NLGN1: variants seen among roughly 807,000 people sequenced by gnomAD.
NLGN1 encodes neuroligin 1, also known as neuroligin-1.
A neutral mutation model predicts 65.5 loss-of-function variants in NLGN1; 12 were observed. The ratio of observed to expected loss-of-function variants is 0.18; its 90% CI spans 0.12 to 0.30. NLGN1 has a LOEUF of 0.30. Ranked by LOEUF, NLGN1 falls within the 10% of genes least tolerant of loss-of-function variation. The pLI is 1.00. For missense variants in NLGN1, 750 were observed against 1,007.1 expected (o/e 0.74, Z 3.46); for synonymous variants, 350 against 359.5 (o/e 0.97, Z 0.30).
chr3:173,791,888 T>C (rs961413246), intron 3 of NLGN1, among the ~76,000 whole-genome samples: 1 of 152,114 alleles, frequency 6.6e-6, no homozygotes, highest in Admixed American at 6.6e-5. Context: ...AGGAGTTCGA[T>C]AGTCACTCAG....
At chr3:174,096,746 G>T (rs2152569701) in intron 4 of NLGN1, among the ~76,000 whole-genome samples, 1 of 152,086 alleles carries the variant, frequency 6.6e-6, no homozygotes, top group African/African-American at 2.4e-5. Flanking sequence ...AAATCATATT[G>T]AAATATATTA....
intron 2 of NLGN1, among the ~76,000 whole-genome samples, chr3:173,441,479 A>G (rs2148797432): frequency 6.6e-6 from 1 of 152,216 alleles, no homozygotes; most frequent in Middle Eastern, 3.4e-3. Context: ...ACAGTGAGGG[A>G]CCATTGTAGG....
intron 2 of NLGN1, among the ~76,000 whole-genome samples, chr3:173,524,238 T>G (rs1016057581): frequency 4.6e-5 from 7 of 152,084 alleles, no homozygotes; most frequent in African/African-American, 1.4e-4. Context: ...ATATAATTTC[T>G]TTCATTAGCC....
At chr3:173,949,721 A>C (rs1239372474) in intron 4 of NLGN1, among the ~76,000 whole-genome samples, 1 of 152,224 alleles carries the variant, frequency 6.6e-6, no homozygotes, top group Non-Finnish European at 1.5e-5. Context: ...TCGTAATTCT[A>C]AAATGAAAAT....
At chr3:174,032,325 A>AAT (rs1730188193) in intron 4 of NLGN1, among the ~76,000 whole-genome samples, 1 of 152,188 alleles carries the variant, frequency 6.6e-6, no homozygotes, top group African/African-American at 2.4e-5. Context: ...TACATTGAAA[A>AAT]ATACTAGACC....
chr3:174,212,116 C>T (rs977026911), intron 4 of NLGN1, among the ~76,000 whole-genome samples: 4 of 152,320 alleles, frequency 2.6e-5, no homozygotes, highest in African/African-American at 7.2e-5. Flanking sequence ...AGCCCTGCCC[C>T]GCGGGAGGGC....
At chr3:173,594,572 A>G (rs1409142943) in intron 2 of NLGN1, among the ~76,000 whole-genome samples, 1 of 152,128 alleles carries the variant, frequency 6.6e-6, no homozygotes, top group Non-Finnish European at 1.5e-5. Context: ...CTGTGGGTGG[A>G]TCTACCATTC....
chr3:173,734,684 A>T (rs890246280), intron 3 of NLGN1, among the ~76,000 whole-genome samples: 3 of 152,038 alleles, frequency 2.0e-5, no homozygotes, highest in African/African-American at 7.2e-5. Context: ...GATTATGGGC[A>T]TGAGTCACTG....
At chr3:174,027,123 C>T (rs1216720409) in intron 4 of NLGN1, among the ~76,000 whole-genome samples, 2 of 151,188 alleles carry the variant, frequency 1.3e-5, no homozygotes, top group African/African-American at 2.4e-5. Context: ...AGAAATCCAT[C>T]TTCACCAAGC....
intron 4 of NLGN1, among the ~76,000 whole-genome samples, chr3:174,142,214 A>G (rs959764101): frequency 2.0e-5 from 3 of 152,150 alleles, no homozygotes; most frequent in African/African-American, 4.8e-5. Context: ...GAGGGTCTAC[A>G]TTTTGTTTTA....
chr3:173,490,907 G>A (rs973992321), intron 2 of NLGN1, among the ~76,000 whole-genome samples: 1 of 151,478 alleles, frequency 6.6e-6, no homozygotes, highest in African/African-American at 2.4e-5. Flanking sequence ...TCTGTTATTG[G>A]TGTATAAGAA....
intron 4 of NLGN1, among the ~76,000 whole-genome samples, chr3:173,951,882 C>G (rs534504599): frequency 2.6e-5 from 4 of 152,070 alleles, no homozygotes; most frequent in Non-Finnish European, 5.9e-5. Flanking sequence ...TAATGTGTGC[C>G]TTGCATATTC....
chr3:174,230,785 A>G (rs367588190), intron 4 of NLGN1, among the ~76,000 whole-genome samples: 2 of 152,096 alleles, frequency 1.3e-5, no homozygotes, highest in African/African-American at 4.8e-5. Context: ...AAATATTTAA[A>G]AAAAATAGAG....
At chr3:173,560,407 G>A (rs973747145) in intron 2 of NLGN1, among the ~76,000 whole-genome samples, 3 of 152,172 alleles carry the variant, frequency 2.0e-5, no homozygotes, top group Admixed American at 1.3e-4. Flanking sequence ...GGAAGAAGAG[G>A]AAGGGAGGGA....
At chr3:173,545,019 T>G (rs1739532622) in intron 2 of NLGN1, among the ~76,000 whole-genome samples, 1 of 152,142 alleles carries the variant, frequency 6.6e-6, no homozygotes, top group Admixed American at 6.6e-5. Context: ...AAGGAGGTCA[T>G]TGATAACTCT....
chr3:173,495,574 A>G (rs1729874127), intron 2 of NLGN1, among the ~76,000 whole-genome samples: 1 of 150,954 alleles, frequency 6.6e-6, no homozygotes, highest in African/African-American at 2.5e-5. Flanking sequence ...GGAGAATTAC[A>G]TTCAATATTT....
intron 4 of NLGN1, among the ~76,000 whole-genome samples, chr3:174,001,229 T>C (rs1723228772): frequency 6.6e-6 from 1 of 151,992 alleles, no homozygotes; most frequent in South Asian, 2.1e-4. Flanking sequence ...AGGTCTGAGG[T>C]GACCAGAAAA....
intron 2 of NLGN1, among the ~76,000 whole-genome samples, chr3:173,497,214 T>C (rs1369402895): frequency 6.6e-6 from 1 of 151,674 alleles, no homozygotes; most frequent in African/African-American, 2.4e-5. Context: ...CAAAACTCCA[T>C]CTCTACTAAA....
At chr3:173,514,040 A>G (rs1733426518) in intron 2 of NLGN1, among the ~76,000 whole-genome samples, 1 of 152,140 alleles carries the variant, frequency 6.6e-6, no homozygotes. Context: ...GTGTATAATG[A>G]TACCATGATA....
Sources: gnomAD v4.1 joint callset for allele counts (sites outside exome capture counted in the v4.1 genomes callset) on GRCh38, gnomAD v4.1.1 for gene constraint, MANE v1.5 for transcripts, NCBI Gene and HGNC (gene_info 2026-07-23, HGNC 2026-07-21) for gene names.